The following NDUFS4 variants were observed in gnomAD, a reference collection of about 807,000 sequenced individuals.
NDUFS4 encodes NADH dehydrogenase [ubiquinone] iron-sulfur protein 4, mitochondrial.
Under a neutral mutation model 24.3 loss-of-function variants are expected in NDUFS4, and 28 were observed. The observed-to-expected ratio is 1.15, with a 90% CI of 0.85 to 1.58. The LOEUF (loss-of-function observed/expected upper bound fraction) is 1.58. NDUFS4 is among the 40% of genes most tolerant of loss of function. The pLI is 0.00. For missense variants in NDUFS4, 223 were observed against 207.9 expected, an observed-to-expected ratio of 1.07 and a Z score of -0.45; for synonymous variants, 93 against 69.7, an observed-to-expected ratio of 1.34 and a Z score of -1.67.
chr5:53,575,981 T>G (rs1010297428), intron 1 of NDUFS4, among the ~76,000 whole-genome samples: 3 of 152,262 alleles, frequency 2.0e-5, no homozygotes, highest in Non-Finnish European at 4.4e-5. Flanking sequence ...TGACTTTTAT[T>G]TAAAGATGTT....
chr5:53,573,712 C>CCAGGCAG (rs2112417844), intron 1 of NDUFS4: 1 of 330,180 alleles, frequency 3.0e-6, no homozygotes, highest in South Asian at 2.5e-5. Flanking sequence ...CCTCAGCCTC[C>CCAGGCAG]CAGGCAGCTG....
chr5:53,627,334 T>A (rs1185888220), intron 2 of NDUFS4, among the ~76,000 whole-genome samples: 3 of 152,228 alleles, frequency 2.0e-5, no homozygotes, highest in Admixed American at 2.0e-4. Flanking sequence ...AGCTTTGTTC[T>A]TTTTGCTTAG....
At chr5:53,614,284 A>C (rs1173704297) in intron 2 of NDUFS4, among the ~76,000 whole-genome samples, 1 of 151,908 alleles carries the variant, frequency 6.6e-6, no homozygotes, top group Admixed American at 6.6e-5. Context: ...TTGAAATGCT[A>C]TTTTTATGTA....
chr5:53,586,596 C>T (rs1004242404), intron 1 of NDUFS4, among the ~76,000 whole-genome samples: 1 of 152,138 alleles, frequency 6.6e-6, no homozygotes, highest in Non-Finnish European at 1.5e-5. Context: ...AATCTTGGCT[C>T]ACTGCAAGCT....
At chr5:53,660,005 CTTTT>C (rs141107369) in intron 4 of NDUFS4, among the ~76,000 whole-genome samples, 4 of 150,936 alleles carry the variant, frequency 2.7e-5, no homozygotes, top group East Asian at 1.9e-4. Flanking sequence ...TATTAATAGA[CTTTT>C]TTTTTATTTA....
chr5:53,580,530 A>G (rs1465504462), intron 1 of NDUFS4, among the ~76,000 whole-genome samples: 1 of 152,214 alleles, frequency 6.6e-6, no homozygotes, highest in East Asian at 1.9e-4. Flanking sequence ...CATGAATTCT[A>G]GGTGCATAGA....
At chr5:53,676,043 A>T (rs1002639517) in intron 4 of NDUFS4, among the ~76,000 whole-genome samples, 9 of 152,344 alleles carry the variant, frequency 5.9e-5, no homozygotes, top group African/African-American at 1.9e-4. Context: ...TCTAGCATAG[A>T]TATACAATAA....
At chr5:53,571,386 A>G (rs1425673775) in intron 1 of NDUFS4, among the ~76,000 whole-genome samples, 2 of 152,136 alleles carry the variant, frequency 1.3e-5, no homozygotes, top group Non-Finnish European at 2.9e-5. Flanking sequence ...ATTCCTTTTT[A>G]TTGAAGAATA....
intron 1 of NDUFS4, among the ~76,000 whole-genome samples, chr5:53,582,255 A>T (rs114994358): frequency 0.018 from 2,414 of 130,944 alleles, 34 homozygotes; most frequent in South Asian, 0.053. Context: ...TTAAATTAAA[A>T]TAAAAATAAA....
Position 53,609,538 on chromosome 5 carries a change from A to T in NDUFS4, c.177+6008A>T, listed in dbSNP as rs549770109. The stretch of plus-strand genomic sequence containing the variant: ...ATTTAGCATAATTCTTAAGGGCCCT[A>T]GGGTTTTCAGAATGGTCAGTGAGCA... On this transcript the variant is annotated intron_variant, in intron 2 of 4. Transcript: ENST00000296684. Among the ~76,000 whole-genome samples, 86 of 152,304 alleles carry T rather than the reference A, an allele frequency of 5.6e-4. 1 individual carries two copies. The South Asian group carries it at 6.8e-3, about 12-fold the overall frequency.
chr5:53,650,886 T>A (rs1396063139), intron 3 of NDUFS4, among the ~76,000 whole-genome samples: 1 of 152,210 alleles, frequency 6.6e-6, no homozygotes, highest in Non-Finnish European at 1.5e-5. Context: ...TATTAAATGT[T>A]GAAATATGTA....
chr5:53,614,593 A>G (rs114882563), intron 2 of NDUFS4, among the ~76,000 whole-genome samples: 2 of 152,120 alleles, frequency 1.3e-5, no homozygotes, highest in Non-Finnish European at 2.9e-5. Context: ...TTAAAGTTCT[A>G]TGTACCAATT....
chr5:53,658,060 T>A (rs1227860040), intron 3 of NDUFS4, among the ~76,000 whole-genome samples: 1 of 152,190 alleles, frequency 6.6e-6, no homozygotes, highest in African/African-American at 2.4e-5. Flanking sequence ...GAGCTTTATT[T>A]TTTTATGCTT....
At chr5:53,673,119 C>G (rs903430922) in intron 4 of NDUFS4, among the ~76,000 whole-genome samples, 1 of 152,034 alleles carries the variant, frequency 6.6e-6, no homozygotes, top group Non-Finnish European at 1.5e-5. Flanking sequence ...TGATAATTCC[C>G]CAGGAACTTA....
intron 3 of NDUFS4, among the ~76,000 whole-genome samples, chr5:53,657,672 A>T (rs184370571): frequency 4.3e-4 from 65 of 152,150 alleles, no homozygotes; most frequent in African/African-American, 1.2e-3. Context: ...AACCTGTAAT[A>T]CCAGCACTTT....
chr5:53,570,331 A>T (rs1195069351), intron 1 of NDUFS4, among the ~76,000 whole-genome samples: 1 of 152,166 alleles, frequency 6.6e-6, no homozygotes, highest in Non-Finnish European at 1.5e-5. Flanking sequence ...TTTGAACTTC[A>T]TATAAGTTTC....
At chr5:53,580,645 TTTTC>T (rs771631104) in intron 1 of NDUFS4, among the ~76,000 whole-genome samples, 29 of 150,296 alleles carry the variant, frequency 1.9e-4, no homozygotes, top group East Asian at 5.9e-4. Context: ...CGCTTATTTA[TTTTC>T]TTTCTTTCTT....
rs115741111 is a variant in NDUFS4, at chr5:53,571,200, C to T, written c.98+10440C>T. The stretch of plus-strand genomic sequence containing the variant: ...CTCAAACTCTGTACCCATTAGCAGT[C>T]GCTTCTCCCCCAGTCCTAGATAACG... On this transcript the variant is annotated intron_variant, in intron 1 of 4. Transcript: ENST00000296684. 1.7e-3 allele frequency among the ~76,000 whole-genome samples: 258 copies of T among 152,252 alleles called. 1 individual carries two copies. Among genetic ancestry groups the T allele is most frequent in the African/African-American group, 5.9e-3 (244 of 41,534 alleles).
chr5:53,631,855 C>A (rs1200137513), intron 2 of NDUFS4, among the ~76,000 whole-genome samples: 2 of 152,160 alleles, frequency 1.3e-5, no homozygotes, highest in African/African-American at 2.4e-5. Flanking sequence ...CGATGGGAAT[C>A]TCCTGGACTG....
Sources: gnomAD v4.1 joint callset for allele counts (sites outside exome capture counted in the v4.1 genomes callset) on GRCh38, gnomAD v4.1.1 for gene constraint, MANE v1.5 for transcripts, NCBI Gene and HGNC (gene_info 2026-07-23, HGNC 2026-07-21) for gene names.